Variants in PRMT2 observed in about 807,000 individuals in gnomAD.
PRMT2 encodes the protein protein arginine N-methyltransferase 2.
Under a neutral mutation model 57.6 loss-of-function variants are expected in PRMT2, and 26 were observed. The observed-to-expected ratio is 0.45, with a 90% confidence interval of 0.33 to 0.63. The LOEUF (loss-of-function observed/expected upper bound fraction) is 0.63, where lower values mean the gene tolerates loss of function less well. PRMT2 is among the 20% of genes least tolerant of loss of function. The pLI is 0.02. For missense variants in PRMT2, 472 were observed against 564.4 expected (o/e 0.84, Z 1.66); for synonymous variants, 219 against 220.0 (o/e 1.00, Z 0.04).
Position 46,651,738 on chromosome 21 carries a change from G to A in PRMT2, c.654+1999G>A. 3 of 1,555,224 alleles carry A rather than the reference G, an allele frequency of 1.9e-6. No homozygotes were observed. In the East Asian group the frequency reaches 6.8e-5, roughly 35 times the overall value. On this transcript the variant is annotated intron_variant, in intron 7 of 11. Transcript: ENST00000355680. Reference sequence around the variant, plus strand: ...TTGGGGCACAGGGTTGGTCGGATTTGAGGGAGGGAGGGTATGAATCTGGGA... The same window carrying A: ...TTGGGGCACAGGGTTGGTCGGATTTAAGGGAGGGAGGGTATGAATCTGGGA...
chr21:46,664,465 GGC>G lies in PRMT2; in HGVS notation c.*139_*140del. ...CTCCACATTGACCCCTCCCTAGCCTGGCAGGTGACGTCAGGGTCCTTCACAGA... is the reference window on the plus strand; with the variant it reads ...CTCCACATTGACCCCTCCCTAGCCTGAGGTGACGTCAGGGTCCTTCACAGA... On this transcript the variant is annotated 3_prime_UTR_variant, in exon 12 of 12. Transcript: ENST00000355680. 1 of 1,138,530 alleles carries G rather than the reference GGC, an allele frequency of 8.8e-7. No individual in the cohort carries two copies. Among genetic ancestry groups the G allele is most frequent in the South Asian group, 1.3e-5 (1 of 78,938 alleles). 70.5% of individuals were successfully genotyped at this position (1,138,530 alleles called of 1,614,324 possible). A position where few individuals can be genotyped will look rare whatever the true frequency, so the allele number is the denominator to read the frequency against.
Position 46,661,942 on chromosome 21 carries a change from TGTGCGGGGCGCGGGCACGGG to T in PRMT2, c.1097+15_1097+34del. ...AGCACCGGGCCCTTCCACCCGTGAG[TGTGCGGGGCGCGGGCACGGG>T]GTGCGGGGTGGGGGGCAGGGGAGTA... On this transcript the variant is annotated splice_region_variant and intron_variant, in intron 10 of 11. Transcript: ENST00000355680. 8.7e-7 allele frequency: 1 copy of T among 1,147,216 alleles called. No individual in the cohort carries two copies. The highest frequency in any genetic ancestry group is 2.3e-5 in the South Asian group (1 of 43,738). 71.1% of individuals were successfully genotyped at this position (1,147,216 alleles called of 1,614,324 possible).
At position 46,643,761 on chromosome 21, in the gene PRMT2, C is replaced by T. The variant is rs1039619764; in HGVS notation, c.144+122C>T. The stretch of plus-strand genomic sequence containing the variant: ...AGGTATTCAGATGCGTAGGGCCACA[C>T]AAGACCTGTGTGTGAAGCTCACAGC... On this transcript the variant is annotated intron_variant, in intron 4 of 11. Coordinates refer to ENST00000355680, the MANE Select transcript of PRMT2 (RefSeq NM_206962.4). The T allele has an allele frequency of 9.8e-6, 12 of 1,219,876 alleles. No homozygotes were observed. The African/African-American group carries it at 1.4e-4, about 14-fold the overall frequency. 75.6% of individuals were successfully genotyped at this position (1,219,876 alleles called of 1,614,324 possible).
chr21:46,651,731 C>T (rs2061456734), intron 7 of PRMT2: 14 of 1,530,972 alleles, frequency 9.1e-6, no homozygotes, highest in East Asian at 6.9e-5. Context: ...CAGGGTTGGT[C>T]GGATTTGAGG....
At position 46,664,383 on chromosome 21, in the gene PRMT2, A is replaced by C. The variant is rs1315114583; in HGVS notation, c.*56A>C. 3.1e-6 allele frequency: 5 copies of C among 1,611,618 alleles called. No homozygotes were observed. In the South Asian group the frequency reaches 3.3e-5, roughly 11 times the overall value. On this transcript the variant is annotated 3_prime_UTR_variant, in exon 12 of 12. Transcript: ENST00000355680. ...CATATCTTGAGGGGTGATGAACACA[A>C]GCAAACCAAGTTGCACCTGGCTTCT...
At position 46,664,487 on chromosome 21, in the gene PRMT2, C is replaced by A; in HGVS notation, c.*160C>A. ...CCTGGCAGGTGACGTCAGGGTCCTTCACAGACAAACACGCTTGGGCTCGGC... is the reference window on the plus strand; with the variant it reads ...CCTGGCAGGTGACGTCAGGGTCCTTAACAGACAAACACGCTTGGGCTCGGC... On this transcript the variant is annotated 3_prime_UTR_variant, in exon 12 of 12. Transcript: ENST00000355680. 1.1e-6 allele frequency: 1 copy of A among 885,632 alleles called. No individual in the cohort carries two copies. Among genetic ancestry groups the A allele is most frequent in the Non-Finnish European group, 1.8e-6 (1 of 554,668 alleles). 54.9% of individuals were successfully genotyped at this position (885,632 alleles called of 1,614,324 possible).
chr21:46,663,807 A>C (rs1424626748), intron 11 of PRMT2, among the ~76,000 whole-genome samples: 1 of 152,166 alleles, frequency 6.6e-6, no homozygotes, highest in African/African-American at 2.4e-5. Context: ...AGTGAGGGAG[A>C]GCAGAGACCC....
intron 7 of PRMT2, chr21:46,652,910 T>A (rs957106874): frequency 1.5e-6 from 2 of 1,302,574 alleles, no homozygotes; most frequent in African/African-American, 3.0e-5. Context: ...GGTTGCACAC[T>A]CAGCAGTCTC....
Position 46,653,643 on chromosome 21 carries a change from T to G in PRMT2, c.654+3904T>G, listed in dbSNP as rs576013983. The G allele has an allele frequency of 3.7e-5, 46 of 1,230,706 alleles. No homozygotes were observed. The African/African-American group carries it at 7.1e-4, about 19-fold the overall frequency. 76.2% of individuals were successfully genotyped at this position (1,230,706 alleles called of 1,614,324 possible). On this transcript the variant is annotated intron_variant, in intron 7 of 11. Coordinates refer to ENST00000355680, the MANE Select transcript of PRMT2 (RefSeq NM_206962.4). ...TTCATGTTTTATGCCTTGATATTTC[T>G]TTTTGGTTGCATTCCCTGGAGCTCA...
At chr21:46,651,709 G>A in intron 7 of PRMT2, 1 of 1,388,226 alleles carries the variant, frequency 7.2e-7, no homozygotes, top group South Asian at 1.3e-5. Flanking sequence ...TATGGCGATA[G>A]TTGTTGGGGC....
intron 10 of PRMT2, among the ~76,000 whole-genome samples, 156 bp downstream of exon 10, chr21:46,662,092 G>T (rs2061637384): frequency 6.7e-6 from 1 of 150,334 alleles, no homozygotes; most frequent in South Asian, 2.1e-4. Flanking sequence ...GGGGCGGCGC[G>T]CATGGGGGCA....
At chr21:46,644,509 T>C (rs1479861113) in intron 5 of PRMT2, 21 bp downstream of exon 5, 2 of 1,561,454 alleles carry the variant, frequency 1.3e-6, no homozygotes, top group Non-Finnish European at 8.6e-7. Flanking sequence ...CTAAATTCCC[T>C]GTTCAGCTGG....
In PRMT2 at chr21:46,649,510, C is replaced by G; in HGVS notation, c.490-65C>G. On this transcript the variant is annotated intron_variant, in intron 6 of 11. Coordinates refer to ENST00000355680, the MANE Select transcript of PRMT2 (RefSeq NM_206962.4). The surrounding 1 kb of genome is among the most constrained non-coding windows in gnomAD (Gnocchi z 4.8). ...ATTTCTCGTGATGCTGGTTGTGACTCAGGAGAGTAGATGACGGGCCGTGTG... is the reference window on the plus strand; with the variant it reads ...ATTTCTCGTGATGCTGGTTGTGACTGAGGAGAGTAGATGACGGGCCGTGTG... 6.2e-7 allele frequency: 1 copy of G among 1,609,968 alleles called. No individual in the cohort carries two copies. The highest frequency in any genetic ancestry group is 1.1e-5 in the South Asian group (1 of 90,912).
intron 7 of PRMT2, among the ~76,000 whole-genome samples, chr21:46,654,526 C>T (rs778702624): frequency 1.2e-4 from 18 of 152,142 alleles, no homozygotes; most frequent in African/African-American, 3.9e-4. Flanking sequence ...TAGTAGCAAT[C>T]GACTGGTGAA....
chr21:46,643,759 C>G, intron 4 of PRMT2, 120 bp downstream of exon 4: 1 of 1,227,712 alleles, frequency 8.1e-7, no homozygotes, highest in Non-Finnish European at 1.1e-6. Flanking sequence ...CGTAGGGCCA[C>G]ACAAGACCTG....
intron 3 of PRMT2, among the ~76,000 whole-genome samples, chr21:46,638,506 C>T (rs1465846167): frequency 6.6e-6 from 1 of 152,204 alleles, no homozygotes; most frequent in Non-Finnish European, 1.5e-5. Flanking sequence ...TTGCAGGGTG[C>T]AAGGGATTGC....
At position 46,664,494 on chromosome 21, in the gene PRMT2, A is replaced by C; in HGVS notation, c.*167A>C. The C allele has an allele frequency of 1.2e-6, 1 of 865,776 alleles. No homozygotes were observed. 53.6% of individuals were successfully genotyped at this position (865,776 alleles called of 1,614,324 possible). On this transcript the variant is annotated 3_prime_UTR_variant, in exon 12 of 12. Transcript: ENST00000355680. ...GGTGACGTCAGGGTCCTTCACAGAC[A>C]AACACGCTTGGGCTCGGCAGGAGCT...
At chr21:46,656,339 C>T (rs2061541483) in intron 7 of PRMT2, among the ~76,000 whole-genome samples, 2 of 152,158 alleles carry the variant, frequency 1.3e-5, no homozygotes, top group African/African-American at 4.8e-5. Flanking sequence ...TTATAAATTA[C>T]CCAGCCTCAG....
At chr21:46,644,216 T>G (rs2061326815) in intron 4 of PRMT2, 90 bp from the exon 5 acceptor site, 10 of 1,295,328 alleles carry the variant, frequency 7.7e-6, no homozygotes, top group Non-Finnish European at 1.1e-5. Context: ...TCTCTGTGAT[T>G]TTGTCACCAT....
Sources: allele counts gnomAD v4.1 joint callset (sites outside exome capture counted in the v4.1 genomes callset), GRCh38; gene constraint gnomAD v4.1.1; non-coding constraint Gnocchi (gnomAD v3.1); transcripts MANE v1.5; gene names NCBI Gene and HGNC (gene_info 2026-07-23, HGNC 2026-07-21).